The following PAM variants were observed in gnomAD, a reference collection of about 807,000 sequenced individuals.
PAM encodes peptidyl-glycine alpha-amidating monooxygenase.
In PAM, 72 loss-of-function variants were observed where a neutral mutation model predicts 122.1. The ratio of observed to expected loss-of-function variants is 0.59; its 90% CI spans 0.49 to 0.72. PAM has a LOEUF of 0.72. PAM is among the 30% of genes least tolerant of loss of function. The probability of loss-of-function intolerance (pLI) is 0.00; values close to 1 mark genes in which losing one functional copy is unlikely to be tolerated. For missense variants in PAM, 1,106 were observed against 1,183.7 expected, an observed-to-expected ratio of 0.93 and a Z score of 0.96; for synonymous variants, 389 against 404.4, an observed-to-expected ratio of 0.96 and a Z score of 0.46.
intron 1 of PAM, among the ~76,000 whole-genome samples, chr5:102,774,104 CCAGTCTGATTGATGAA>C (rs1561406641): frequency 6.6e-6 from 1 of 152,026 alleles, no homozygotes; most frequent in African/African-American, 2.4e-5. Context: ...TTTTCTTTAT[CCAGTCTGATTGATGAA>C]CAGTTAGGTT....
chr5:102,865,454 C>T (rs915665684), intron 1 of PAM: 2 of 152,174 alleles, frequency 1.3e-5, no homozygotes, highest in Non-Finnish European at 2.9e-5. Context: ...GTGATGTTTA[C>T]ATTCAGCAGA....
chr5:102,853,315 A>G (rs748229859), intron 1 of PAM, among the ~76,000 whole-genome samples: 50 of 152,286 alleles, frequency 3.3e-4, no homozygotes, highest in Non-Finnish European at 5.9e-4. Context: ...GCTAAGTGAG[A>G]GAGTTACCAT....
At chr5:102,768,199 A>T (rs1015955584) in intron 1 of PAM, among the ~76,000 whole-genome samples, 1 of 151,918 alleles carries the variant, frequency 6.6e-6, no homozygotes, top group Non-Finnish European at 1.5e-5. Flanking sequence ...ATTTTTCTAA[A>T]TTTTTTTAAT....
intron 5 of PAM, among the ~76,000 whole-genome samples, chr5:102,916,596 A>G (rs116076775): frequency 0.011 from 1,568 of 148,852 alleles, 27 homozygotes; most frequent in African/African-American, 0.036. Flanking sequence ...AAACTGTTCT[A>G]ATGATTCTGA....
intron 1 of PAM, among the ~76,000 whole-genome samples, chr5:102,845,911 C>G (rs1387018365): frequency 6.6e-6 from 1 of 152,128 alleles, no homozygotes; most frequent in Non-Finnish European, 1.5e-5. Flanking sequence ...CCTTTGTGAT[C>G]TATGTTTTAT....
chr5:102,833,203 C>A (rs1404790275), intron 1 of PAM, among the ~76,000 whole-genome samples: 1 of 152,088 alleles, frequency 6.6e-6, no homozygotes, highest in East Asian at 1.9e-4. Flanking sequence ...GCCAGTAGTT[C>A]TTCCTGTTTA....
At chr5:102,771,386 A>T (rs947417778) in intron 1 of PAM, among the ~76,000 whole-genome samples, 1 of 152,088 alleles carries the variant, frequency 6.6e-6, no homozygotes, top group Non-Finnish European at 1.5e-5. Flanking sequence ...TGGGAATGAA[A>T]TTGAAGTTTA....
At chr5:102,809,352 C>CAAAAAAAAAAAAAAA (rs11302898) in intron 1 of PAM, among the ~76,000 whole-genome samples, 2 of 126,242 alleles carry the variant, frequency 1.6e-5, no homozygotes, top group African/African-American at 3.0e-5. Context: ...CTGTCTCTAC[C>CAAAAAAAAAAAAAAA]AAAAAAAAAA....
Position 103,007,595 on chromosome 5 carries a change from T to C in PAM, c.2153T>C (p.Phe718Ser), listed in dbSNP as rs1185614974. Residue 718 changes from phenylalanine to serine, a missense_variant, in exon 20 of 26, where the codon TTT (phenylalanine) becomes TCT (serine). Coordinates refer to ENST00000438793, the MANE Select transcript of PAM (RefSeq NM_001177306.2). ...TGTTTTAAAACTGACACCAAAGAAT[T>C]TGTGAGAGAGATTAAGCATTCATCA... is the stretch of plus-strand genomic sequence containing the variant. ...IQCFKTDTKE[F>S]VREIKHSSFG... 23 of 1,613,532 alleles carry C rather than the reference T, an allele frequency of 1.4e-5. No homozygotes were observed. In the East Asian group the frequency reaches 4.7e-4, roughly 33 times the overall value.
At chr5:103,021,022 C>T (rs937747463) in intron 23 of PAM, among the ~76,000 whole-genome samples, 2 of 151,986 alleles carry the variant, frequency 1.3e-5, no homozygotes, top group South Asian at 2.1e-4. Flanking sequence ...GGAATAAAGA[C>T]GTTGGGAAAG....
chr5:102,898,881 T>G (rs750344220), intron 3 of PAM, among the ~76,000 whole-genome samples: 8 of 151,672 alleles, frequency 5.3e-5, no homozygotes, highest in Non-Finnish European at 1.0e-4. Context: ...TTCCAGATTG[T>G]TTTTTAACTG....
chr5:102,998,856 G>A (rs990713125), intron 16 of PAM, among the ~76,000 whole-genome samples: 1 of 152,120 alleles, frequency 6.6e-6, no homozygotes, highest in African/African-American at 2.4e-5. Flanking sequence ...TCTGAATAAT[G>A]AGGAATGTGA....
At chr5:102,978,842 A>C (rs1258194996) in intron 15 of PAM, among the ~76,000 whole-genome samples, 2 of 152,012 alleles carry the variant, frequency 1.3e-5, no homozygotes, top group East Asian at 1.9e-4. Context: ...TAAAAAAAAA[A>C]AAACACCTAT....
chr5:102,859,325 G>C (rs1264310056), intron 1 of PAM, among the ~76,000 whole-genome samples: 1 of 146,492 alleles, frequency 6.8e-6, no homozygotes, highest in African/African-American at 2.6e-5. Context: ...ATCTTGTATA[G>C]GCCCAGGCTA....
chr5:102,901,384 G>A lies in PAM; in HGVS notation c.239G>A (p.Arg80Gln), dbSNP rs753307443. 1.6e-5 allele frequency: 25 copies of A among 1,590,180 alleles called. No individual in the cohort carries two copies. Among genetic ancestry groups the A allele is most frequent in the Admixed American group, 3.4e-5 (2 of 59,564 alleles). The change falls in exon 4 of 26, where the codon CGA becomes CAA. Residue 80 changes from arginine (R) to glutamine (Q), a missense_variant. This residue lies in a region of PAM where 670 missense variants were observed against 690.3 expected (regional missense o/e 0.97). Transcript: ENST00000438793. ...QSDTYFCMSM[R>Q]IPVDEEAFVI... ...GATACATACTTCTGCATGTCTATGC[G>A]AATACCAGTGGATGAGGAAGCCTTC... is the stretch of plus-strand genomic sequence containing the variant.
chr5:102,902,552 A>G (rs1342729253), intron 4 of PAM, among the ~76,000 whole-genome samples: 2 of 151,644 alleles, frequency 1.3e-5, no homozygotes, highest in Non-Finnish European at 3.0e-5. Context: ...CTTTAAAGAC[A>G]AAAATAATTT....
At chr5:102,904,080 A>T (rs1366400065) in intron 4 of PAM, among the ~76,000 whole-genome samples, 1 of 151,448 alleles carries the variant, frequency 6.6e-6, no homozygotes, top group East Asian at 2.0e-4. Flanking sequence ...CCAAAGTGAA[A>T]GTTTTGCCTA....
At chr5:102,818,604 A>G (rs778820394) in intron 1 of PAM, among the ~76,000 whole-genome samples, 4 of 152,102 alleles carry the variant, frequency 2.6e-5, no homozygotes, top group Admixed American at 6.6e-5. Context: ...TTTGTCCAGT[A>G]TGCCCTTCCC....
intron 7 of PAM, among the ~76,000 whole-genome samples, chr5:102,939,968 G>C (rs971396304): frequency 6.6e-6 from 1 of 151,882 alleles, no homozygotes; most frequent in African/African-American, 2.4e-5. Flanking sequence ...CCAACAAAAT[G>C]GATAGTTTTG....
Sources: gnomAD v4.1 joint callset for allele counts (sites outside exome capture counted in the v4.1 genomes callset) on GRCh38, gnomAD v4.1.1 for gene constraint, gnomAD v4.1.1 regional missense constraint, MANE v1.5 for transcripts, NCBI Gene and HGNC (gene_info 2026-07-23, HGNC 2026-07-21) for gene names.